The following BPI variants were observed in gnomAD, a reference collection of about 807,000 sequenced individuals.
The protein encoded by BPI is bactericidal permeability-increasing protein.
Under a neutral mutation model 57.6 loss-of-function variants are expected in BPI, and 48 were observed. The ratio of observed to expected loss-of-function variants is 0.83; its 90% CI spans 0.66 to 1.06. The LOEUF (loss-of-function observed/expected upper bound fraction) is 1.06. Ranked by LOEUF, BPI falls within the 50% of genes least tolerant of loss-of-function variation. BPI has a pLI of 0.00. For missense variants in BPI, 651 were observed against 609.7 expected (o/e 1.07, Z -0.71); for synonymous variants, 237 against 238.2 (o/e 0.99, Z 0.05).
At position 38,320,299 on chromosome 20, in the gene BPI, C is replaced by T. The variant is rs749961996; in HGVS notation, c.756+25C>T. On this transcript the variant is annotated intron_variant, in intron 7 of 14. Coordinates refer to ENST00000642449, the MANE Select transcript of BPI (RefSeq NM_001725.3). ...GGTGAGGCTGACACTGAGAATCATA[C>T]ACCCTCACACCTCTGTCTCAGACAC... The T allele has an allele frequency of 1.9e-5, 30 of 1,599,778 alleles. 1 individual carries two copies. The South Asian group carries it at 3.3e-4, about 18-fold the overall frequency.
At chr20:38,310,729 C>A (rs2076618051) in intron 4 of BPI, 77 bp downstream of exon 4, 1 of 1,542,474 alleles carries the variant, frequency 6.5e-7, no homozygotes. Flanking sequence ...ATTCCGAAAA[C>A]ACATCCAGAG....
chr20:38,309,046 A>G lies in BPI; in HGVS notation c.362A>G (p.Gln121Arg), dbSNP rs1479877346. 1 of 1,614,208 alleles carries G rather than the reference A, an allele frequency of 6.2e-7. No homozygotes were observed. The highest frequency in any genetic ancestry group is 1.3e-5 in the African/African-American group (1 of 75,054). ...NIKISGKWKAQKRFLKMSGNF... is the reference protein window; with the variant it reads ...NIKISGKWKARKRFLKMSGNF... The stretch of plus-strand genomic sequence containing the variant: ...AAGATCAGCGGGAAATGGAAGGCAC[A>G]AAAGAGATTCTTGTGCGTTTCCATG... The change falls in exon 3 of 15, where the codon CAA (glutamine) becomes CGA (arginine). Residue 121 changes from glutamine (Q) to arginine (R), a missense_variant. Coordinates refer to ENST00000642449, the MANE Select transcript of BPI (RefSeq NM_001725.3).
At chr20:38,328,062 C>A (rs890164712) in intron 11 of BPI, among the ~76,000 whole-genome samples, 1 of 152,170 alleles carries the variant, frequency 6.6e-6, no homozygotes, top group Admixed American at 6.5e-5. Context: ...GCTTCAACTT[C>A]TTCTCACCCC....
At chr20:38,331,930 A>C (rs35531959) in intron 12 of BPI, among the ~76,000 whole-genome samples, 18 of 151,694 alleles carry the variant, frequency 1.2e-4, no homozygotes, top group African/African-American at 2.4e-4. Context: ...GAAAGTGATG[A>C]GGGAGAATGA....
At position 38,310,637 on chromosome 20, in the gene BPI, C is replaced by G; in HGVS notation, c.521C>G (p.Ser174Ter). The G allele has an allele frequency of 6.2e-7, 1 of 1,613,156 alleles. No individual in the cohort carries two copies. Among genetic ancestry groups the G allele is most frequent in the Non-Finnish European group, 8.5e-7 (1 of 1,179,342 alleles). ...SHINSVHVHI[S>*]KSKVGWLIQL... ...ATCAACAGTGTCCACGTGCACATCT[C>G]AAAGAGCAAAGTGGGGTATGGACTC... The change falls in exon 4 of 15, where the codon TCA becomes TGA. Residue 174 changes from serine (S) to a stop codon, truncating the protein, a stop_gained. Coordinates refer to ENST00000642449, the MANE Select transcript of BPI (RefSeq NM_001725.3). LOFTEE classifies it high-confidence loss of function.
chr20:38,334,598 A>T (rs888426727), intron 13 of BPI, 105 bp downstream of exon 13: 22 of 1,137,092 alleles, frequency 1.9e-5, no homozygotes, highest in Non-Finnish European at 2.8e-5. Flanking sequence ...AGGGCTGGGC[A>T]GTGGTGATGT....
At chr20:38,321,219 G>A (rs1004371791) in intron 7 of BPI, among the ~76,000 whole-genome samples, 1 of 148,318 alleles carries the variant, frequency 6.7e-6, no homozygotes, top group African/African-American at 2.5e-5. Flanking sequence ...ATGAGTGGGT[G>A]GATGAATGGA....
intron 7 of BPI, among the ~76,000 whole-genome samples, chr20:38,322,290 G>C (rs1312387913): frequency 1.3e-5 from 2 of 151,924 alleles, no homozygotes; most frequent in African/African-American, 2.4e-5. Flanking sequence ...AGACCAAATG[G>C]CATACTAAGA....
Position 38,318,034 on chromosome 20 carries a change from C to T in BPI, c.601-379C>T, listed in dbSNP as rs562559996. 1.4e-5 allele frequency: 14 copies of T among 984,810 alleles called. No homozygotes were observed. In the East Asian group the frequency reaches 5.7e-4, roughly 40 times the overall value. The allele number at this position is 984,810 out of a possible 1,614,324, so 61.0% of individuals were successfully genotyped here. ...AGGGAAGGCTGGCCATTGACTACCT[C>T]GTATTTGTTTATTACCTCATTCCAC... On this transcript the variant is annotated intron_variant, in intron 5 of 14. Transcript: ENST00000642449.
chr20:38,328,911 T>G (rs1223461269), intron 11 of BPI, among the ~76,000 whole-genome samples: 21 of 151,130 alleles, frequency 1.4e-4, no homozygotes, highest in African/African-American at 4.9e-4. Context: ...GAGGCTGAGG[T>G]GGGAGGATCA....
At chr20:38,314,212 T>A (rs1238418307) in intron 5 of BPI, among the ~76,000 whole-genome samples, 1 of 121,502 alleles carries the variant, frequency 8.2e-6, no homozygotes, top group African/African-American at 3.1e-5. Flanking sequence ...GTGGGGATGA[T>A]GATGGTGGTG....
At chr20:38,317,938 A>T (rs939282792) in intron 5 of BPI, 28 of 985,370 alleles carry the variant, frequency 2.8e-5, no homozygotes, top group Non-Finnish European at 3.4e-5. Context: ...CTCTGGCCAT[A>T]CATACCAAAC....
intron 14 of BPI, 42 bp from the exon 15 acceptor site, chr20:38,337,104 G>T: frequency 6.3e-7 from 1 of 1,586,430 alleles, no homozygotes; most frequent in East Asian, 2.3e-5. Context: ...ACAAACAAGG[G>T]GTGCATCTTC....
intron 5 of BPI, among the ~76,000 whole-genome samples, chr20:38,314,359 G>GGAT (rs1196448028): frequency 7.2e-6 from 1 of 138,460 alleles, no homozygotes; most frequent in Non-Finnish European, 1.6e-5. Flanking sequence ...GTAATGGTGG[G>GGAT]GATGATGATG....
At chr20:38,306,470 C>T (rs988906805) in intron 1 of BPI, among the ~76,000 whole-genome samples, 2 of 152,178 alleles carry the variant, frequency 1.3e-5, no homozygotes, top group African/African-American at 2.4e-5. Context: ...GTCAGAGTCA[C>T]GTGAATAAAT....
intron 10 of BPI, among the ~76,000 whole-genome samples, chr20:38,326,746 C>T (rs896347606): frequency 6.6e-6 from 1 of 152,182 alleles, no homozygotes; most frequent in Admixed American, 6.5e-5. Context: ...TATCTTTAGT[C>T]ATTCAATTAT....
intron 2 of BPI, among the ~76,000 whole-genome samples, chr20:38,308,684 A>G (rs2076607760): frequency 6.6e-6 from 1 of 152,216 alleles, no homozygotes; most frequent in Admixed American, 6.5e-5. Flanking sequence ...ATTATGCCCA[A>G]GGTAACCCAA....
At chr20:38,307,502 C>A in intron 1 of BPI, 65 bp from the exon 2 acceptor site, 1 of 1,221,244 alleles carries the variant, frequency 8.2e-7, no homozygotes, top group Non-Finnish European at 1.1e-6. Context: ...CCAGAGCCTG[C>A]CCTGCCCCTC....
Position 38,307,804 on chromosome 20 carries a change from T to A in BPI, c.245+123T>A, listed in dbSNP as rs182120898. 3.6e-6 allele frequency: 3 copies of A among 832,122 alleles called. No individual in the cohort carries two copies. The East Asian group carries it at 9.2e-5, about 25-fold the overall frequency. The allele number at this position is 832,122 out of a possible 1,614,324, so 51.5% of individuals were successfully genotyped here. A position where few individuals can be genotyped will look rare whatever the true frequency, so the allele number is the denominator to read the frequency against. ...AGAGTTTCATATCCCAAAGCCTGCA[T>A]TTACATCATCCCAAGGGGAGGCAAC... On this transcript the variant is annotated intron_variant, in intron 2 of 14. Coordinates refer to ENST00000642449, the MANE Select transcript of BPI (RefSeq NM_001725.3).
Sources: gnomAD v4.1 joint callset for allele counts (sites outside exome capture counted in the v4.1 genomes callset) on GRCh38, gnomAD v4.1.1 for gene constraint, MANE v1.5 for transcripts, NCBI Gene and HGNC (gene_info 2026-07-23, HGNC 2026-07-21) for gene names.